MAPK8IP1: variants seen among roughly 807,000 people sequenced by gnomAD.
MAPK8IP1 encodes mitogen-activated protein kinase 8 interacting protein 1, also known as C-Jun-amino-terminal kinase-interacting protein 1.
MAPK8IP1 carries 17 observed loss-of-function variants against 72.6 expected under a neutral mutation model. The observed-to-expected ratio is 0.23, with a 90% CI of 0.16 to 0.35. MAPK8IP1 has a LOEUF of 0.35. Among genes scored for constraint, MAPK8IP1 ranks in the 10% least tolerant of loss-of-function variants. The probability of loss-of-function intolerance (pLI) is 1.00; values close to 1 mark genes in which losing one functional copy is unlikely to be tolerated. For missense variants in MAPK8IP1, 789 were observed against 1,009.7 expected, an observed-to-expected ratio of 0.78 and a Z score of 2.96; for synonymous variants, 401 against 443.4, an observed-to-expected ratio of 0.90 and a Z score of 1.20.
At position 45,902,658 on chromosome 11, in the gene MAPK8IP1, C is replaced by T. The variant is rs983091897; in HGVS notation, c.891C>T (p.Ser297=). 43 of 1,612,550 alleles carry T rather than the reference C, an allele frequency of 2.7e-5. No individual in the cohort carries two copies. The highest frequency in any genetic ancestry group is 3.4e-5 in the Non-Finnish European group (40 of 1,179,950). Residue 297 remains serine (S), a synonymous_variant, in exon 5 of 12, where the codon TCC becomes TCT. Coordinates refer to ENST00000241014, the MANE Select transcript of MAPK8IP1 (RefSeq NM_005456.4). The surrounding 1 kb of genome is among the most constrained non-coding windows in gnomAD (Gnocchi z 9.3). ...QRPPDAAEPT[S]AFLPPTESRM... is the part of the protein sequence containing the mutation. The stretch of plus-strand genomic sequence containing the variant: ...CCCCAGACGCTGCAGAGCCCACCTC[C>T]GCCTTCCTGCCGCCCACTGAGAGCC...
At position 45,903,489 on chromosome 11, in the gene MAPK8IP1, C is replaced by A; in HGVS notation, c.1493+49C>A. On this transcript the variant is annotated intron_variant, in intron 6 of 11. Transcript: ENST00000241014. This position sits in a 1 kb window ranked among gnomAD's most constrained non-coding sequence, Gnocchi z 6.4. Reference sequence around the variant, plus strand: ...CCTAGCCAGGCAGCAGTTTGGGCCACACACCACCCTCTACTTGTCACCCCT... The same window carrying A: ...CCTAGCCAGGCAGCAGTTTGGGCCAAACACCACCCTCTACTTGTCACCCCT... 6.7e-7 allele frequency: 1 copy of A among 1,503,060 alleles called. No homozygotes were observed. Among genetic ancestry groups the A allele is most frequent in the Non-Finnish European group, 9.1e-7 (1 of 1,096,734 alleles). 93.1% of individuals were successfully genotyped at this position (1,503,060 alleles called of 1,614,324 possible). A position where few individuals can be genotyped will look rare whatever the true frequency, so the allele number is the denominator to read the frequency against.
At chr11:45,892,323 A>G (rs1565070656) in intron 1 of MAPK8IP1, among the ~76,000 whole-genome samples, 1 of 152,200 alleles carries the variant, frequency 6.6e-6, no homozygotes, top group Non-Finnish European at 1.5e-5. Flanking sequence ...AGTTGATTGG[A>G]AAAGTGGACT....
At position 45,902,190 on chromosome 11, in the gene MAPK8IP1, G is replaced by A. The variant is rs1454264063; in HGVS notation, c.604+129G>A. The A allele has an allele frequency of 5.9e-6, 6 of 1,016,826 alleles. No homozygotes were observed. Among genetic ancestry groups the A allele is most frequent in the South Asian group, 2.6e-5 (2 of 78,370 alleles). The allele number at this position is 1,016,826 out of a possible 1,614,324, so 63.0% of individuals were successfully genotyped here. On this transcript the variant is annotated intron_variant, in intron 4 of 11. Coordinates refer to ENST00000241014, the MANE Select transcript of MAPK8IP1 (RefSeq NM_005456.4). The surrounding 1 kb of genome is among the most constrained non-coding windows in gnomAD (Gnocchi z 9.3). ...ACTGCCCACCCACATCCCTGCACGA[G>A]CCCATCCAGGGGCTGAGATCAGTGG...
chr11:45,899,086 T>C (rs1391228076), intron 2 of MAPK8IP1, among the ~76,000 whole-genome samples: 1 of 152,120 alleles, frequency 6.6e-6, no homozygotes, highest in Non-Finnish European at 1.5e-5. Context: ...AGAGACTCAG[T>C]AAGCTCTGCA....
intron 1 of MAPK8IP1, among the ~76,000 whole-genome samples, chr11:45,891,964 G>A (rs750704339): frequency 3.3e-5 from 5 of 152,154 alleles, no homozygotes; most frequent in African/African-American, 4.8e-5. Context: ...CCCAAAAGTC[G>A]AACAACTGGA....
chr11:45,905,341 G>A (rs571212870), intron 11 of MAPK8IP1, 92 bp downstream of exon 11: 50 of 1,202,824 alleles, frequency 4.2e-5, no homozygotes, highest in East Asian at 3.2e-4. Flanking sequence ...TTTGCCCCTC[G>A]GTTTCCCCCG....
At chr11:45,896,729 G>C (rs2086608939) in intron 1 of MAPK8IP1, 3 of 1,458,250 alleles carry the variant, frequency 2.1e-6, no homozygotes, top group African/African-American at 1.4e-5. Flanking sequence ...AGCTCCCCAG[G>C]CTTCTGCAGC....
At chr11:45,886,446 G>C (rs776942533) in intron 1 of MAPK8IP1, among the ~76,000 whole-genome samples, 3 of 152,204 alleles carry the variant, frequency 2.0e-5, no homozygotes, top group Non-Finnish European at 4.4e-5. Context: ...CTCTGGATTG[G>C]GCAGCACCGA....
rs1444777501 is a variant in MAPK8IP1, at chr11:45,904,738, C to T, written c.1797C>T (p.Leu599=). ...AMQKIATTRR[L]TVHFNPPSSC... ...TGTAGATTGCCACCACCCGCCGGCTCACCGTGCACTTTAACCCGCCCTCCA... is the reference window on the plus strand; with the variant it reads ...TGTAGATTGCCACCACCCGCCGGCTTACCGTGCACTTTAACCCGCCCTCCA... Residue 599 remains leucine (L), a synonymous_variant, in exon 9 of 12, where the codon CTC becomes CTT. Coordinates refer to ENST00000241014, the MANE Select transcript of MAPK8IP1 (RefSeq NM_005456.4). The surrounding 1 kb of genome is among the most constrained non-coding windows in gnomAD (Gnocchi z 6.4). 6.2e-7 allele frequency: 1 copy of T among 1,613,878 alleles called. No homozygotes were observed. Among genetic ancestry groups the T allele is most frequent in the Admixed American group, 1.7e-5 (1 of 60,014 alleles).
chr11:45,896,686 C>G, intron 1 of MAPK8IP1: 2 of 1,408,330 alleles, frequency 1.4e-6, no homozygotes, highest in Non-Finnish European at 1.8e-6. Context: ...TCGGCAGCTG[C>G]AGCCTCCTCT....
At chr11:45,899,633 C>T (rs1283702148) in intron 2 of MAPK8IP1, among the ~76,000 whole-genome samples, 2 of 152,172 alleles carry the variant, frequency 1.3e-5, no homozygotes, top group African/African-American at 2.4e-5. Context: ...TCCTGGCCCC[C>T]GCTCGCCCCT....
chr11:45,891,880 G>A (rs1428021818), intron 1 of MAPK8IP1, among the ~76,000 whole-genome samples: 1 of 152,202 alleles, frequency 6.6e-6, no homozygotes, highest in Non-Finnish European at 1.5e-5. Context: ...GTTGTTTGCT[G>A]TGATGAGGAA....
rs777694583 is a variant in MAPK8IP1, at chr11:45,902,641, G to A, written c.874G>A (p.Ala292Thr). The part of the protein sequence containing the change: ...YLTPVQRPPD[A>T]AEPTSAFLPP... Reference sequence around the variant, plus strand: ...GACCCCAGTGCAGAGGCCCCCAGACGCTGCAGAGCCCACCTCCGCCTTCCT... The same window carrying A: ...GACCCCAGTGCAGAGGCCCCCAGACACTGCAGAGCCCACCTCCGCCTTCCT... The change falls in exon 5 of 12, where the codon GCT becomes ACT. Residue 292 changes from alanine (A) to threonine (T), a missense_variant. Physicochemically the swap from Ala to Thr is moderately conservative, Grantham distance 58. Around this residue, in one of 4 missense-constraint regions of MAPK8IP1, gnomAD observed 377 missense variants for 411.7 expected, o/e 0.92. Transcript: ENST00000241014. This position sits in a 1 kb window ranked among gnomAD's most constrained non-coding sequence, Gnocchi z 9.3. 7.4e-6 allele frequency: 12 copies of A among 1,612,766 alleles called. No individual in the cohort carries two copies. Among genetic ancestry groups the A allele is most frequent in the African/African-American group, 2.7e-5 (2 of 74,894 alleles).
Position 45,902,977 on chromosome 11 carries a change from A to G in MAPK8IP1, c.1210A>G (p.Ser404Gly). The change falls in exon 5 of 12, where the codon AGT becomes GGT. Residue 404 changes from serine to glycine, a missense_variant. Physicochemically the swap from Ser to Gly is moderately conservative, Grantham distance 56 (BLOSUM62 0). This residue lies in a region of MAPK8IP1 where 377 missense variants were observed against 411.7 expected (regional missense o/e 0.92). Transcript: ENST00000241014. This position sits in a 1 kb window ranked among gnomAD's most constrained non-coding sequence, Gnocchi z 9.3. ...CCTGCGGCCGTGCTTCGGAGACTAC[A>G]GTGACGAGAGTGACTCTGCCACCGT... ...VSLRPCFGDY[S>G]DESDSATVYD... 1 of 1,611,916 alleles carries G rather than the reference A, an allele frequency of 6.2e-7. No individual in the cohort carries two copies. The highest frequency in any genetic ancestry group is 8.5e-7 in the Non-Finnish European group (1 of 1,179,870).
At position 45,902,942 on chromosome 11, in the gene MAPK8IP1, A is replaced by G; in HGVS notation, c.1175A>G (p.Glu392Gly). 4 of 1,611,850 alleles carry G rather than the reference A, an allele frequency of 2.5e-6. No homozygotes were observed. Among genetic ancestry groups the G allele is most frequent in the Non-Finnish European group, 3.4e-6 (4 of 1,179,736 alleles). ...TLVVDEHAQL[E>G]LVSLRPCFGD... Reference sequence around the variant, plus strand: ...GTGGTAGATGAGCATGCACAGCTGGAGCTGGTGAGCCTGCGGCCGTGCTTC... The same window carrying G: ...GTGGTAGATGAGCATGCACAGCTGGGGCTGGTGAGCCTGCGGCCGTGCTTC... Residue 392 changes from glutamate to glycine, a missense_variant, in exon 5 of 12, where the codon GAG (glutamate) becomes GGG (glycine). Physicochemically the swap from Glu to Gly is moderately conservative, Grantham distance 98. Around this residue, in one of 4 missense-constraint regions of MAPK8IP1, gnomAD observed 377 missense variants for 411.7 expected, o/e 0.92. Coordinates refer to ENST00000241014, the MANE Select transcript of MAPK8IP1 (RefSeq NM_005456.4). This position sits in a 1 kb window ranked among gnomAD's most constrained non-coding sequence, Gnocchi z 9.3.
At chr11:45,886,402 G>T (rs1029022134) in intron 1 of MAPK8IP1, among the ~76,000 whole-genome samples, 3 of 152,236 alleles carry the variant, frequency 2.0e-5, no homozygotes, top group African/African-American at 7.2e-5. Context: ...GGCCAGATGG[G>T]CCTACCTGCC....
At chr11:45,897,979 G>C (rs1312866707) in intron 1 of MAPK8IP1, 106 bp from the exon 2 acceptor site, 2 of 716,806 alleles carry the variant, frequency 2.8e-6, no homozygotes, top group Admixed American at 4.0e-5. Flanking sequence ...TGTCCTCTGG[G>C]GGCTGTGTTT....
Position 45,885,790 on chromosome 11 carries a change from T to A in MAPK8IP1, c.-31T>A. On this transcript the variant is annotated 5_prime_UTR_variant, in exon 1 of 12. Transcript: ENST00000241014. The stretch of plus-strand genomic sequence containing the variant: ...AGCCGCCGCCTCCTCCGCGCCGCGC[T>A]CCGCCCGGATGGCCAGGGCTGTGCC... 9 of 1,280,596 alleles carry A rather than the reference T, an allele frequency of 7.0e-6. No homozygotes were observed. Among genetic ancestry groups the A allele is most frequent in the Non-Finnish European group, 9.0e-6 (9 of 997,214 alleles). The allele number at this position is 1,280,596 out of a possible 1,614,324, so 79.3% of individuals were successfully genotyped here. A position where few individuals can be genotyped will look rare whatever the true frequency, so the allele number is the denominator to read the frequency against.
chr11:45,902,935 C>G lies in MAPK8IP1; in HGVS notation c.1168C>G (p.Gln390Glu). Reference protein sequence around the residue: ...KYTLVVDEHAQLELVSLRPCF... With the variant: ...KYTLVVDEHAELELVSLRPCF... The stretch of plus-strand genomic sequence containing the variant: ...CACGCTGGTGGTAGATGAGCATGCA[C>G]AGCTGGAGCTGGTGAGCCTGCGGCC... The change falls in exon 5 of 12, where the codon CAG becomes GAG. Residue 390 changes from glutamine (Q) to glutamate (E), a missense_variant. By Grantham distance (29) the Gln-to-Glu change is conservative. Transcript: ENST00000241014. This position sits in a 1 kb window ranked among gnomAD's most constrained non-coding sequence, Gnocchi z 9.3. The G allele has an allele frequency of 6.2e-7, 1 of 1,611,574 alleles. No individual in the cohort carries two copies. The highest frequency in any genetic ancestry group is 8.5e-7 in the Non-Finnish European group (1 of 1,179,564).
Sources: allele counts gnomAD v4.1 joint callset (sites outside exome capture counted in the v4.1 genomes callset), GRCh38; gene constraint gnomAD v4.1.1; regional missense constraint gnomAD v4.1.1; non-coding constraint Gnocchi (gnomAD v3.1); transcripts MANE v1.5; gene names NCBI Gene and HGNC (gene_info 2026-07-23, HGNC 2026-07-21).